The following CAMK2B variants were observed in gnomAD, a reference collection of about 807,000 sequenced individuals.
CAMK2B encodes calcium/calmodulin dependent protein kinase II beta, also known as calcium/calmodulin-dependent protein kinase type II subunit beta.
Under a neutral mutation model 93.7 loss-of-function variants are expected in CAMK2B, and 27 were observed. The ratio of observed to expected loss-of-function variants is 0.29; its 90% confidence interval spans 0.21 to 0.40. The LOEUF (loss-of-function observed/expected upper bound fraction) is 0.40, where lower values mean the gene tolerates loss of function less well. Among genes scored for constraint, CAMK2B ranks in the 10% least tolerant of loss-of-function variants. The pLI is 1.00. For missense variants in CAMK2B, 568 were observed against 895.8 expected, an observed-to-expected ratio of 0.63 and a Z score of 4.67; for synonymous variants, 374 against 358.8, an observed-to-expected ratio of 1.04 and a Z score of -0.48.
At chr7:44,256,831 C>A (rs2096838156) in intron 4 of CAMK2B, among the ~76,000 whole-genome samples, 2 of 152,196 alleles carry the variant, frequency 1.3e-5, no homozygotes, top group African/African-American at 4.8e-5. Context: ...GCACCTGGGA[C>A]TCCCTGGCCA....
At chr7:44,229,218 G>A in intron 18 of CAMK2B, 170 bp downstream of exon 18, 1 of 610,850 alleles carries the variant, frequency 1.6e-6, no homozygotes, top group South Asian at 2.1e-5. Flanking sequence ...ACAAAGAGGT[G>A]GGGCTCGATG....
intron 5 of CAMK2B, among the ~76,000 whole-genome samples, chr7:44,251,873 G>A (rs1300990900): frequency 1.3e-5 from 2 of 152,172 alleles, no homozygotes; most frequent in Non-Finnish European, 2.9e-5. Flanking sequence ...CATTTCCTGA[G>A]GACCCTAGAA....
intron 1 of CAMK2B, among the ~76,000 whole-genome samples, chr7:44,290,391 G>T (rs974622557): frequency 2.6e-5 from 4 of 152,264 alleles, no homozygotes; most frequent in African/African-American, 9.6e-5. Flanking sequence ...CCTTCTGGAA[G>T]AGTCTGGGCC....
chr7:44,277,905 C>T (rs765060480), intron 2 of CAMK2B, among the ~76,000 whole-genome samples: 6 of 152,224 alleles, frequency 3.9e-5, no homozygotes, highest in Non-Finnish European at 8.8e-5. Flanking sequence ...TTTGGGGAAG[C>T]CCCTGCCCCA....
At chr7:44,322,173 G>A (rs748404419) in intron 1 of CAMK2B, among the ~76,000 whole-genome samples, 24 of 152,206 alleles carry the variant, frequency 1.6e-4, no homozygotes, top group Non-Finnish European at 2.9e-4. Flanking sequence ...CAAACACATC[G>A]ACGAGCACAG....
chr7:44,285,300 A>G (rs1563017866), intron 1 of CAMK2B, among the ~76,000 whole-genome samples: 1 of 152,258 alleles, frequency 6.6e-6, no homozygotes. Context: ...GTCTGAGTCC[A>G]GACAAAAGGG....
At chr7:44,241,868 G>T in intron 10 of CAMK2B, 85 bp from the exon 11 acceptor site, 2 of 1,100,696 alleles carry the variant, frequency 1.8e-6, no homozygotes, top group Non-Finnish European at 2.7e-6. Context: ...GCACCCTGGG[G>T]TCCCCACTTG....
chr7:44,264,903 C>T (rs981493277), intron 2 of CAMK2B, among the ~76,000 whole-genome samples: 11 of 152,140 alleles, frequency 7.2e-5, no homozygotes, highest in African/African-American at 2.7e-4. Flanking sequence ...AACCCAGCAA[C>T]ACTGGACATA....
intron 2 of CAMK2B, among the ~76,000 whole-genome samples, chr7:44,274,572 G>T (rs74925584): frequency 1.3e-4 from 20 of 152,294 alleles, no homozygotes; most frequent in African/African-American, 4.6e-4. Flanking sequence ...CCTTCCATCG[G>T]TGGTCACTAC....
chr7:44,306,975 G>GGGAGGAGGGTGTGAGCAGGA (rs1554459012), intron 1 of CAMK2B, among the ~76,000 whole-genome samples: 3,655 of 79,254 alleles, frequency 0.046, 463 homozygotes, highest in Middle Eastern at 0.1. Context: ...TGTGAGAAAG[G>GGGAGGAGGGTGTGAGCAGGA]GGAGGAGGGT....
At chr7:44,240,140 G>A (rs1397068655) in intron 12 of CAMK2B, among the ~76,000 whole-genome samples, 3 of 38,698 alleles carry the variant, frequency 7.8e-5, no homozygotes, top group African/African-American at 3.8e-4. Context: ...GCTCCACTCC[G>A]GGGCTAACAT....
intron 1 of CAMK2B, among the ~76,000 whole-genome samples, chr7:44,285,671 T>C (rs1289523858): frequency 6.6e-6 from 1 of 152,122 alleles, no homozygotes; most frequent in African/African-American, 2.4e-5. Context: ...GAACATTTTC[T>C]TAACGACTCA....
At chr7:44,308,305 A>C (rs762026793) in intron 1 of CAMK2B, among the ~76,000 whole-genome samples, 1 of 152,200 alleles carries the variant, frequency 6.6e-6, no homozygotes, top group Non-Finnish European at 1.5e-5. Context: ...GGGATGAAAG[A>C]AGTGCCCATG....
At chr7:44,296,962 C>T (rs1175685112) in intron 1 of CAMK2B, among the ~76,000 whole-genome samples, 1 of 152,004 alleles carries the variant, frequency 6.6e-6, no homozygotes, top group African/African-American at 2.4e-5. Context: ...AAACTTGGAT[C>T]TACATAAAGA....
At chr7:44,254,903 C>T (rs565636533) in intron 4 of CAMK2B, among the ~76,000 whole-genome samples, 1 of 150,644 alleles carries the variant, frequency 6.6e-6, no homozygotes, top group African/African-American at 2.4e-5. Context: ...TGACTTTGGC[C>T]ACGATTATAC....
At chr7:44,226,714 A>C in intron 19 of CAMK2B, 70 bp from the exon 20 acceptor site, 16 of 1,237,092 alleles carry the variant, frequency 1.3e-5, no homozygotes, top group Non-Finnish European at 1.7e-5. Flanking sequence ...AACCATGGGC[A>C]GACAGCCAAG....
chr7:44,307,453 GGT>G (rs550642704), intron 1 of CAMK2B, among the ~76,000 whole-genome samples: 17 of 151,714 alleles, frequency 1.1e-4, no homozygotes, highest in Admixed American at 9.8e-4. Context: ...AGCAGGGGAG[GGT>G]GTGTGAAGAG....
chr7:44,243,213 G>A (rs774781187), intron 8 of CAMK2B, 37 bp downstream of exon 8: 10 of 1,519,554 alleles, frequency 6.6e-6, no homozygotes, highest in African/African-American at 2.7e-5. Context: ...TGAAACACCC[G>A]AGGCCCTGCC....
At chr7:44,219,854 C>T (rs2096376696) in intron 23 of CAMK2B, among the ~76,000 whole-genome samples, 1 of 152,178 alleles carries the variant, frequency 6.6e-6, no homozygotes, top group Non-Finnish European at 1.5e-5. Flanking sequence ...TCACCAGCTC[C>T]CCAGTCCTCT....
Sources: allele counts gnomAD v4.1 joint callset (sites outside exome capture counted in the v4.1 genomes callset), GRCh38; gene constraint gnomAD v4.1.1; transcripts MANE v1.5; gene names NCBI Gene and HGNC (gene_info 2026-07-23, HGNC 2026-07-21).